The following AP1G1 variants were observed in gnomAD, a reference collection of about 807,000 sequenced individuals.
AP1G1 encodes the protein adaptor related protein complex 1 subunit gamma 1.
A neutral mutation model predicts 108.3 loss-of-function variants in AP1G1; 7 were observed. The observed-to-expected ratio is 0.06, with a 90% confidence interval of 0.04 to 0.12. AP1G1 has a LOEUF of 0.12. Ranked by LOEUF, AP1G1 falls within the 10% of genes least tolerant of loss-of-function variation. The pLI, the probability that AP1G1 is intolerant of heterozygous loss-of-function variation, is 1.00. For missense variants in AP1G1, 756 were observed against 1,010.7 expected, an observed-to-expected ratio of 0.75 and a Z score of 3.42; for synonymous variants, 379 against 353.5, an observed-to-expected ratio of 1.07 and a Z score of -0.81.
chr16:71,772,972 C>G, intron 4 of AP1G1: 1 of 558,676 alleles, frequency 1.8e-6, no homozygotes, highest in Non-Finnish European at 3.3e-6. Flanking sequence ...TGCTGTAATA[C>G]TGTTTAGAAT....
intron 1 of AP1G1, among the ~76,000 whole-genome samples, chr16:71,790,408 C>T (rs776511703): frequency 3.3e-5 from 5 of 151,704 alleles, no homozygotes; most frequent in Admixed American, 6.6e-5. Context: ...GCCATGGTGG[C>T]ACATGCCTGT....
intron 1 of AP1G1, among the ~76,000 whole-genome samples, chr16:71,799,691 G>A (rs1208922928): frequency 1.3e-5 from 2 of 148,800 alleles, no homozygotes; most frequent in East Asian, 4.1e-4. Context: ...ATGAAGTCAG[G>A]AGATCAAGAC....
At chr16:71,771,340 C>A in intron 4 of AP1G1, 88 bp from the exon 5 acceptor site, 1 of 695,524 alleles carries the variant, frequency 1.4e-6, no homozygotes, top group East Asian at 2.9e-5. Flanking sequence ...ACACAAAAAT[C>A]TCACCAACTA....
At chr16:71,741,766 A>T (rs1034501600) in intron 19 of AP1G1, among the ~76,000 whole-genome samples, 21 of 152,180 alleles carry the variant, frequency 1.4e-4, no homozygotes, top group African/African-American at 5.1e-4. Context: ...AAATCGAGAA[A>T]ATTTCCCCCA....
At chr16:71,744,576 T>A (rs1056552333) in intron 19 of AP1G1, among the ~76,000 whole-genome samples, 3 of 146,600 alleles carry the variant, frequency 2.0e-5, no homozygotes, top group Non-Finnish European at 4.5e-5. Context: ...AGTGTGTTTT[T>A]TTTTTTTTTT....
At chr16:71,804,086 C>T (rs544321928) in intron 1 of AP1G1, among the ~76,000 whole-genome samples, 2 of 151,270 alleles carry the variant, frequency 1.3e-5, no homozygotes, top group South Asian at 4.2e-4. Flanking sequence ...CTCGCTCTGT[C>T]CCCAGGCTGG....
intron 17 of AP1G1, 95 bp downstream of exon 17, chr16:71,746,493 A>T (rs1242020865): frequency 8.0e-6 from 6 of 750,488 alleles, no homozygotes; most frequent in Non-Finnish European, 8.4e-6. Context: ...GGAACAATTA[A>T]TAAAGCACAA....
At chr16:71,733,238 T>A (rs2045491230) in intron 22 of AP1G1, 79 bp from the exon 23 acceptor site, 2 of 1,191,458 alleles carry the variant, frequency 1.7e-6, no homozygotes, top group Non-Finnish European at 1.2e-6. Flanking sequence ...AATAGACTTT[T>A]AATCTTAGAG....
At chr16:71,806,664 G>T (rs1168756955) in intron 1 of AP1G1, 1 of 1,276,250 alleles carries the variant, frequency 7.8e-7, no homozygotes, top group Admixed American at 2.4e-5. Flanking sequence ...CATTTCAGTA[G>T]TAACTGCGAG....
intron 1 of AP1G1, chr16:71,807,716 A>G (rs2033042348): frequency 1.1e-6 from 1 of 915,142 alleles, no homozygotes; most frequent in Non-Finnish European, 1.5e-6. Flanking sequence ...CAAACACTTC[A>G]AAGTTAAGGT....
At chr16:71,785,547 C>T (rs1392737935) in intron 2 of AP1G1, among the ~76,000 whole-genome samples, 1 of 137,752 alleles carries the variant, frequency 7.3e-6, no homozygotes. Flanking sequence ...TGTACTCCAG[C>T]CTGAGTGACA....
chr16:71,745,396 G>T, intron 18 of AP1G1, 77 bp downstream of exon 18: 1 of 1,608,596 alleles, frequency 6.2e-7, no homozygotes, highest in South Asian at 1.1e-5. Context: ...ACATTAAAGG[G>T]ACTCAGCTAA....
intron 1 of AP1G1, among the ~76,000 whole-genome samples, chr16:71,801,530 G>A (rs1459448408): frequency 2.0e-5 from 3 of 152,182 alleles, no homozygotes; most frequent in Non-Finnish European, 2.9e-5. Flanking sequence ...AACAGATGAT[G>A]TAACACTACA....
At chr16:71,772,273 G>T (rs997206068) in intron 4 of AP1G1, among the ~76,000 whole-genome samples, 1 of 151,958 alleles carries the variant, frequency 6.6e-6, no homozygotes, top group African/African-American at 2.4e-5. Context: ...GACTACAGGC[G>T]CCCGCCACCA....
At chr16:71,772,445 C>T (rs2031613443) in intron 4 of AP1G1, among the ~76,000 whole-genome samples, 1 of 152,058 alleles carries the variant, frequency 6.6e-6, no homozygotes, top group African/African-American at 2.4e-5. Flanking sequence ...TTTTTTCTAA[C>T]CTGCAGGAAT....
At chr16:71,769,579 A>G in intron 6 of AP1G1, 44 bp downstream of exon 6, 1 of 1,536,636 alleles carries the variant, frequency 6.5e-7, no homozygotes, top group Non-Finnish European at 9.0e-7. Context: ...CAGGAAAATC[A>G]TTTTTCAATC....
intron 18 of AP1G1, 66 bp downstream of exon 18, chr16:71,745,407 G>T (rs74980679): frequency 0.13 from 212,881 of 1,610,954 alleles, 15,283 homozygotes; most frequent in Non-Finnish European, 0.15. Context: ...ACTCAGCTAA[G>T]AGACAAGCTG....
intron 22 of AP1G1, among the ~76,000 whole-genome samples, chr16:71,734,306 C>T (rs2045506736): frequency 6.6e-6 from 1 of 152,146 alleles, no homozygotes; most frequent in Admixed American, 6.6e-5. Context: ...TCAACAAATG[C>T]TCTTACCTCA....
intron 1 of AP1G1, among the ~76,000 whole-genome samples, 168 bp from the exon 2 acceptor site, chr16:71,789,650 T>C (rs748983427): frequency 6.6e-6 from 1 of 152,172 alleles, no homozygotes; most frequent in Non-Finnish European, 1.5e-5. Flanking sequence ...AGCTATTACA[T>C]ACAGACCTCT....
Sources: allele counts gnomAD v4.1 joint callset (sites outside exome capture counted in the v4.1 genomes callset), GRCh38; gene constraint gnomAD v4.1.1; transcripts MANE v1.5; gene names NCBI Gene and HGNC (gene_info 2026-07-23, HGNC 2026-07-21).